The following HS6ST3 variants were observed in gnomAD, a reference collection of about 807,000 sequenced individuals.
HS6ST3 encodes the protein heparan sulfate 6-O-sulfotransferase 3, also known as heparan-sulfate 6-O-sulfotransferase 3.
Under a neutral mutation model 36.7 loss-of-function variants are expected in HS6ST3, and 12 were observed. The ratio of observed to expected loss-of-function variants is 0.33; its 90% confidence interval spans 0.21 to 0.53. HS6ST3 has a LOEUF of 0.53. Among genes scored for constraint, HS6ST3 ranks in the 20% least tolerant of loss-of-function variants. The pLI, the probability that HS6ST3 is intolerant of heterozygous loss-of-function variation, is 0.95. For missense variants in HS6ST3, 584 were observed against 640.9 expected (o/e 0.91, Z 0.96); for synonymous variants, 240 against 257.5 (o/e 0.93, Z 0.65).
In HS6ST3 at chr13:96,231,262, C is replaced by T. The variant is rs191123143; in HGVS notation, c.707+139693C>T. 9.9e-5 allele frequency among the ~76,000 whole-genome samples: 15 copies of T among 152,210 alleles called. No individual in the cohort carries two copies. In the East Asian group the frequency reaches 2.7e-3, roughly 27 times the overall value. On this transcript the variant is annotated intron_variant, in intron 1 of 1. Coordinates refer to ENST00000376705, the MANE Select transcript of HS6ST3 (RefSeq NM_153456.4). ...TTGATTCATTAGGTCTGGGGTGGGG[C>T]TTGAAATCCTGAATTTGTGACACTC...
intron 1 of HS6ST3, among the ~76,000 whole-genome samples, chr13:96,750,567 AT>A (rs1444580810): frequency 6.6e-6 from 1 of 152,218 alleles, no homozygotes; most frequent in African/African-American, 2.4e-5. Context: ...GTATATGTGT[AT>A]TTATGTGTAT....
At chr13:96,236,428 T>G (rs1452737661) in intron 1 of HS6ST3, among the ~76,000 whole-genome samples, 4 of 152,092 alleles carry the variant, frequency 2.6e-5, no homozygotes, top group African/African-American at 7.2e-5. Flanking sequence ...ACAATCACCT[T>G]TTCTGCTGTC....
At position 96,329,232 on chromosome 13, in the gene HS6ST3, T is replaced by G. The variant is rs1203028735; in HGVS notation, c.707+237663T>G. 2.0e-5 allele frequency among the ~76,000 whole-genome samples: 3 copies of G among 147,186 alleles called. No homozygotes were observed. In the South Asian group the frequency reaches 6.7e-4, roughly 33 times the overall value. ...TTCTTGCCTTCTGCTAGCTTTTGAA[T>G]GTGTTTGCTCTTGCTTTTCTAGTTC... On this transcript the variant is annotated intron_variant, in intron 1 of 1. Transcript: ENST00000376705.
At chr13:96,369,851 CAGA>C (rs1165450040) in intron 1 of HS6ST3, among the ~76,000 whole-genome samples, 4 of 152,020 alleles carry the variant, frequency 2.6e-5, no homozygotes, top group African/African-American at 9.7e-5. Context: ...TGACTGTTTT[CAGA>C]AGATCTTTTT....
chr13:96,651,540 T>C (rs1326079408), intron 1 of HS6ST3, among the ~76,000 whole-genome samples: 2 of 152,048 alleles, frequency 1.3e-5, no homozygotes, highest in Non-Finnish European at 2.9e-5. Flanking sequence ...TGTACCCTCC[T>C]CATCACATGC....
chr13:96,107,932 A>G (rs991619635), intron 1 of HS6ST3, among the ~76,000 whole-genome samples: 5 of 152,266 alleles, frequency 3.3e-5, no homozygotes, highest in African/African-American at 4.8e-5. Context: ...GATTGCATTA[A>G]CTGCACAAAT....
chr13:96,744,651 T>C (rs1876521034), intron 1 of HS6ST3, among the ~76,000 whole-genome samples: 1 of 152,080 alleles, frequency 6.6e-6, no homozygotes, highest in African/African-American at 2.4e-5. Flanking sequence ...CAATCATCTT[T>C]TTCCTCTTTT....
At chr13:96,503,365 G>T (rs2056013254) in intron 1 of HS6ST3, among the ~76,000 whole-genome samples, 1 of 152,112 alleles carries the variant, frequency 6.6e-6, no homozygotes, top group Non-Finnish European at 1.5e-5. Context: ...GTACTGGCCT[G>T]GTGTTTAGCT....
At chr13:96,134,860 T>C (rs193098184) in intron 1 of HS6ST3, among the ~76,000 whole-genome samples, 1 of 152,294 alleles carries the variant, frequency 6.6e-6, no homozygotes, top group East Asian at 1.9e-4. Context: ...CCAAGAATAA[T>C]AGTTTTCTTT....
intron 1 of HS6ST3, among the ~76,000 whole-genome samples, chr13:96,486,576 A>T (rs374738897): frequency 2.0e-5 from 3 of 152,242 alleles, no homozygotes. Flanking sequence ...TGTGAGATGG[A>T]ATCTCATTAT....
intron 1 of HS6ST3, among the ~76,000 whole-genome samples, chr13:96,639,366 C>T (rs1340340447): frequency 6.6e-6 from 1 of 151,792 alleles, no homozygotes; most frequent in African/African-American, 2.4e-5. Context: ...ATTTTTGTTA[C>T]TGTTTGCATG....
At chr13:96,313,840 C>A (rs920917249) in intron 1 of HS6ST3, among the ~76,000 whole-genome samples, 1 of 152,124 alleles carries the variant, frequency 6.6e-6, no homozygotes, top group East Asian at 1.9e-4. Flanking sequence ...CTGTGTGAGT[C>A]TCCTTGACTC....
chr13:96,107,135 G>T (rs2053845436), intron 1 of HS6ST3, among the ~76,000 whole-genome samples: 1 of 152,170 alleles, frequency 6.6e-6, no homozygotes, highest in Non-Finnish European at 1.5e-5. Context: ...ATGAGGTTGG[G>T]TGATACACAA....
At chr13:96,338,265 G>A (rs1040341288) in intron 1 of HS6ST3, among the ~76,000 whole-genome samples, 9 of 152,108 alleles carry the variant, frequency 5.9e-5, no homozygotes, top group Admixed American at 3.9e-4. Flanking sequence ...ACGTTGCTAA[G>A]ATCACCAACT....
intron 1 of HS6ST3, among the ~76,000 whole-genome samples, chr13:96,331,145 A>G (rs1038867625): frequency 3.9e-5 from 6 of 152,130 alleles, no homozygotes; most frequent in Admixed American, 3.3e-4. Context: ...CCCGTAGCTC[A>G]GAGTAATTTG....
chr13:96,312,889 T>A (rs1025449213), intron 1 of HS6ST3, among the ~76,000 whole-genome samples: 5 of 145,878 alleles, frequency 3.4e-5, no homozygotes, highest in South Asian at 2.2e-4. Flanking sequence ...GGGGCGGAGG[T>A]TGCAGTGAGC....
intron 1 of HS6ST3, among the ~76,000 whole-genome samples, chr13:96,477,884 T>TA (rs142784247): frequency 2.7e-5 from 4 of 150,878 alleles, no homozygotes; most frequent in Admixed American, 6.6e-5. Context: ...AAAATAAAAA[T>TA]AAAAAAAATA....
intron 1 of HS6ST3, among the ~76,000 whole-genome samples, chr13:96,684,437 G>C (rs1410172275): frequency 6.6e-6 from 1 of 152,042 alleles, no homozygotes; most frequent in Non-Finnish European, 1.5e-5. Context: ...GTCTTCACTT[G>C]TAGTCAGAAA....
intron 1 of HS6ST3, among the ~76,000 whole-genome samples, chr13:96,224,934 C>T (rs2054473119): frequency 6.6e-6 from 1 of 152,150 alleles, no homozygotes; most frequent in Non-Finnish European, 1.5e-5. Flanking sequence ...TTAAGTGGAG[C>T]GTGTTTGCAT....
Sources: allele counts gnomAD v4.1 joint callset (sites outside exome capture counted in the v4.1 genomes callset), GRCh38; gene constraint gnomAD v4.1.1; transcripts MANE v1.5; gene names NCBI Gene and HGNC (gene_info 2026-07-23, HGNC 2026-07-21).